The following PARD3 variants were observed in gnomAD, a reference collection of about 807,000 sequenced individuals.
The protein encoded by PARD3 is par-3 family cell polarity regulator.
Under a neutral mutation model 155.4 loss-of-function variants are expected in PARD3, and 75 were observed. That is an observed-to-expected ratio of 0.48 (90% CI 0.40 to 0.58). PARD3 has a LOEUF of 0.58. Ranked by LOEUF, PARD3 falls within the 20% of genes least tolerant of loss-of-function variation. The probability of loss-of-function intolerance (pLI) is 0.00; values close to 1 mark genes in which losing one functional copy is unlikely to be tolerated. For synonymous variants in PARD3, 576 were observed against 610.5 expected (o/e 0.94, Z 0.83); for missense variants, 1,642 against 1,721.7 (o/e 0.95, Z 0.82).
rs186158091 is a variant in PARD3 at position 34,530,517 on chromosome 10, C to T, written c.223-13358G>A. On this transcript the variant is annotated intron_variant, in intron 2 of 24. Transcript: ENST00000374788. ...CCTAAGCTGTGGTATCTATGAGCTCCTGAATTTCTCTGAGACTGATATCTT... is the reference window on the plus strand; with the variant it reads ...CCTAAGCTGTGGTATCTATGAGCTCTTGAATTTCTCTGAGACTGATATCTT... 6.6e-5 allele frequency among the ~76,000 whole-genome samples: 10 copies of T among 152,270 alleles called. No individual in the cohort carries two copies. The East Asian group carries it at 1.9e-3, about 29-fold the overall frequency.
chr10:34,186,357 T>C (rs1352620573), intron 22 of PARD3, among the ~76,000 whole-genome samples: 1 of 125,782 alleles, frequency 8.0e-6, no homozygotes, highest in African/African-American at 3.0e-5. Context: ...GAGACCCTCT[T>C]AAAAAAAAAA....
intron 2 of PARD3, among the ~76,000 whole-genome samples, chr10:34,631,648 G>A (rs2092275608): frequency 6.6e-6 from 1 of 152,180 alleles, no homozygotes; most frequent in Non-Finnish European, 1.5e-5. Flanking sequence ...CTGTCACCCA[G>A]GCTGAAGTGC....
rs540698878 is a variant in PARD3, at chr10:34,789,526, T to C, written c.120+25350A>G. Among the ~76,000 whole-genome samples, 10 of 151,774 alleles carry C rather than the reference T, an allele frequency of 6.6e-5. No individual in the cohort carries two copies. The East Asian group carries it at 1.9e-3, about 30-fold the overall frequency. ...CAGCCTGGGCAGCATGCTGAGACCC[T>C]GTCTCTACAAAAAAAAAAATACAAA... On this transcript the variant is annotated intron_variant, in intron 1 of 24. Coordinates refer to ENST00000374788, the MANE Select transcript of PARD3 (RefSeq NM_001184785.2).
chr10:34,783,773 T>G (rs1056946374), intron 1 of PARD3, among the ~76,000 whole-genome samples: 1 of 152,166 alleles, frequency 6.6e-6, no homozygotes, highest in Non-Finnish European at 1.5e-5. Context: ...AAGCAAATAC[T>G]ATTATTGGCT....
intron 22 of PARD3, among the ~76,000 whole-genome samples, chr10:34,184,664 C>G (rs879523099): frequency 6.6e-6 from 1 of 151,308 alleles, no homozygotes; most frequent in Non-Finnish European, 1.5e-5. Flanking sequence ...AGCTCACCAA[C>G]GCCTGCACAT....
chr10:34,198,642 CTATTT>C (rs1240724137), intron 22 of PARD3, among the ~76,000 whole-genome samples: 3 of 152,006 alleles, frequency 2.0e-5, no homozygotes, highest in Non-Finnish European at 4.4e-5. Context: ...TAAAATTATT[CTATTT>C]TGATAGAAAA....
chr10:34,619,468 A>T (rs535654950), intron 2 of PARD3, among the ~76,000 whole-genome samples: 19 of 152,298 alleles, frequency 1.2e-4, no homozygotes, highest in Middle Eastern at 3.4e-3. Context: ...TGGCATTCAA[A>T]TATTTATTGA....
At chr10:34,242,569 CA>C (rs1273542287) in intron 22 of PARD3, among the ~76,000 whole-genome samples, 1 of 152,142 alleles carries the variant, frequency 6.6e-6, no homozygotes, top group African/African-American at 2.4e-5. Context: ...GTTTGCTTTT[CA>C]ACATAAAGTT....
chr10:34,518,269 A>G (rs1401158340), intron 2 of PARD3, among the ~76,000 whole-genome samples: 1 of 152,228 alleles, frequency 6.6e-6, no homozygotes, highest in African/African-American at 2.4e-5. Flanking sequence ...TGTGAGTATA[A>G]AGAGTTCCCA....
At chr10:34,540,640 C>T (rs1413476557) in intron 2 of PARD3, among the ~76,000 whole-genome samples, 1 of 152,006 alleles carries the variant, frequency 6.6e-6, no homozygotes, top group African/African-American at 2.4e-5. Context: ...ATTAGCCAGG[C>T]GTGGTGGCCA....
intron 1 of PARD3, among the ~76,000 whole-genome samples, chr10:34,813,646 TA>T (rs990103490): frequency 2.0e-5 from 3 of 152,232 alleles, no homozygotes; most frequent in Admixed American, 6.5e-5. Context: ...CAATATATAC[TA>T]AAAGCAAAAC....
chr10:34,188,997 C>A (rs7899227), intron 22 of PARD3, among the ~76,000 whole-genome samples: 5 of 152,050 alleles, frequency 3.3e-5, no homozygotes, highest in Admixed American at 2.0e-4. Flanking sequence ...CAAGATCCTT[C>A]CAGAGGTTTT....
intron 22 of PARD3, among the ~76,000 whole-genome samples, chr10:34,212,669 G>A (rs1951811699): frequency 1.3e-5 from 2 of 151,704 alleles, no homozygotes; most frequent in African/African-American, 2.4e-5. Flanking sequence ...GGCAGGGGGG[G>A]TTCTGAGGGG....
intron 4 of PARD3, 88 bp from the exon 5 acceptor site, chr10:34,450,536 A>G: frequency 8.2e-7 from 1 of 1,218,292 alleles, no homozygotes; most frequent in Non-Finnish European, 1.2e-6. Context: ...GTAGCAGAAA[A>G]ATGATTCTAC....
intron 4 of PARD3, among the ~76,000 whole-genome samples, chr10:34,460,976 T>C (rs752247602): frequency 5.3e-5 from 8 of 152,220 alleles, no homozygotes; most frequent in Non-Finnish European, 7.3e-5. Context: ...AAAAACAACT[T>C]TGTTATCATT....
chr10:34,417,215 T>G (rs1000154837), intron 5 of PARD3, among the ~76,000 whole-genome samples: 1 of 152,210 alleles, frequency 6.6e-6, no homozygotes, highest in Admixed American at 6.5e-5. Context: ...ATTGTGTCAA[T>G]TAAACTTTCT....
At chr10:34,617,145 C>A (rs1289574984) in intron 2 of PARD3, among the ~76,000 whole-genome samples, 2 of 151,692 alleles carry the variant, frequency 1.3e-5, no homozygotes, top group African/African-American at 2.4e-5. Context: ...ATCCCAGCTA[C>A]TCAGGAGGCT....
intron 2 of PARD3, among the ~76,000 whole-genome samples, chr10:34,587,746 A>C (rs1244765574): frequency 6.6e-6 from 1 of 152,180 alleles, no homozygotes; most frequent in East Asian, 1.9e-4. Context: ...GTTTCGTGCA[A>C]GTACTATGTA....
intron 1 of PARD3, among the ~76,000 whole-genome samples, chr10:34,777,875 T>C (rs1839788882): frequency 6.6e-6 from 1 of 152,040 alleles, no homozygotes; most frequent in African/African-American, 2.4e-5. Flanking sequence ...GGAATGATGG[T>C]GAGTCTAGGA....
Sources: allele counts gnomAD v4.1 joint callset (sites outside exome capture counted in the v4.1 genomes callset), GRCh38; gene constraint gnomAD v4.1.1; transcripts MANE v1.5; gene names NCBI Gene and HGNC (gene_info 2026-07-23, HGNC 2026-07-21).